The following KIAA0586 variants were observed in gnomAD, a reference collection of about 807,000 sequenced individuals.
The protein encoded by KIAA0586 is protein TALPID3.
KIAA0586 carries 144 observed loss-of-function variants against 169.8 expected under a neutral mutation model. The ratio of observed to expected loss-of-function variants is 0.85; its 90% CI spans 0.74 to 0.97. The LOEUF is 0.97. Among genes scored for constraint, KIAA0586 ranks in the 50% least tolerant of loss-of-function variants. KIAA0586 has a pLI of 0.00. For missense variants in KIAA0586, 1,854 were observed against 1,823.0 expected (o/e 1.02, Z -0.31); for synonymous variants, 625 against 612.4 (o/e 1.02, Z -0.30).
chr14:58,488,796 A>G lies in KIAA0586; in HGVS notation c.3703A>G (p.Thr1235Ala). 1 of 1,613,874 alleles carries G rather than the reference A, an allele frequency of 6.2e-7. No individual in the cohort carries two copies. Among genetic ancestry groups the G allele is most frequent in the Non-Finnish European group, 8.5e-7 (1 of 1,179,824 alleles). The change falls in exon 24 of 31, where the codon ACT (threonine) becomes GCT (alanine). Residue 1235 changes from threonine to alanine, a missense_variant. Transcript: ENST00000652326. The stretch of plus-strand genomic sequence containing the variant: ...GGAGAGCACATTGAGTGTTACTGTC[A>G]CTGAAACTGAAACTTTAGATAAACC... ...TLESTLSVTVTETETLDKPIS... is the reference protein window; with the variant it reads ...TLESTLSVTVAETETLDKPIS...
At chr14:58,443,334 G>A (rs1300144710) in intron 5 of KIAA0586, among the ~76,000 whole-genome samples, 1 of 152,254 alleles carries the variant, frequency 6.6e-6, no homozygotes, top group Non-Finnish European at 1.5e-5. Context: ...TCAGCCTTAT[G>A]TTAGTAAAAT....
At chr14:58,557,428 A>T in the KIAA0586 span, among the ~76,000 whole-genome samples, 1 of 152,246 alleles carries the variant, frequency 6.6e-6, no homozygotes, top group Non-Finnish European at 1.5e-5. Context: ...AGTGCTGCCT[A>T]GAAGTAACAG....
At chr14:58,454,928 T>G (rs537512868) in intron 9 of KIAA0586, among the ~76,000 whole-genome samples, 1 of 152,350 alleles carries the variant, frequency 6.6e-6, no homozygotes, top group Admixed American at 6.5e-5. Flanking sequence ...TGACTGCCTT[T>G]TGGACTCTGT....
Position 58,500,579 on chromosome 14 carries a change from C to T in KIAA0586, c.4168+1619C>T, listed in dbSNP as rs546573362. 1.2e-4 allele frequency among the ~76,000 whole-genome samples: 18 copies of T among 152,168 alleles called. 1 individual carries two copies. The highest frequency in any genetic ancestry group is 4.1e-4 in the African/African-American group (17 of 41,530). On this transcript the variant is annotated intron_variant, in intron 27 of 30. Coordinates refer to ENST00000652326, the MANE Select transcript of KIAA0586 (RefSeq NM_001329943.3). ...AATTAGCCGGGCATAGTGGCAGATG[C>T]CTGTAATCTCAGCTACTTGGGAAGC...
At chr14:58,427,410 C>A (rs2140363579), upstream of KIAA0586, 1 of 569,566 alleles carries the variant, frequency 1.8e-6, no homozygotes, top group Admixed American at 3.1e-5. Flanking sequence ...ACGTCCCTAA[C>A]GGTCTTCGGA....
intron 26 of KIAA0586, among the ~76,000 whole-genome samples, chr14:58,494,313 A>T (rs1431939401): frequency 9.0e-6 from 1 of 111,486 alleles, no homozygotes; most frequent in African/African-American, 3.4e-5. Flanking sequence ...CATACTTGAC[A>T]TTCTTGTTTT....
At chr14:58,466,214 C>T in intron 15 of KIAA0586, among the ~76,000 whole-genome samples, 185 bp downstream of exon 15, 1 of 152,174 alleles carries the variant, frequency 6.6e-6, no homozygotes, top group Non-Finnish European at 1.5e-5. Context: ...CCGTGCCCAG[C>T]CATTGAATTT....
In KIAA0586 at chr14:58,512,533, G is replaced by A; in HGVS notation, c.4335G>A (p.Lys1445=). ...CTTAAATTATTTAGTACCAACTAAA[G>A]CAAAATCAGGATGTTAAGCAAGTTG... ...AAEDFSQYQL[K]QNQDVKQVEH... The change falls in exon 29 of 31, where the codon AAG becomes AAA. Residue 1445 remains lysine, a synonymous_variant. Transcript: ENST00000652326. 1 of 1,522,368 alleles carries A rather than the reference G, an allele frequency of 6.6e-7. No homozygotes were observed. Among genetic ancestry groups the A allele is most frequent in the South Asian group, 1.3e-5 (1 of 77,346 alleles). 94.3% of individuals were successfully genotyped at this position (1,522,368 alleles called of 1,614,324 possible). A position where few individuals can be genotyped will look rare whatever the true frequency, so the allele number is the denominator to read the frequency against.
chr14:58,484,888 A>ATTTATATATATATATATTTATATATT (rs1566876681), intron 21 of KIAA0586, among the ~76,000 whole-genome samples: 1 of 18,490 alleles, frequency 5.4e-5, no homozygotes, highest in African/African-American at 2.3e-4. Flanking sequence ...TTATATATAT[A>ATTTATATATATATATATTTATATATT]TTTATATATA....
chr14:58,499,297 G>A (rs1334820443), intron 27 of KIAA0586, among the ~76,000 whole-genome samples: 1 of 151,992 alleles, frequency 6.6e-6, no homozygotes, highest in Non-Finnish European at 1.5e-5. Context: ...CTGTCACTCA[G>A]GCTGGAGTGC....
intron 23 of KIAA0586, 122 bp from the exon 24 acceptor site, chr14:58,488,499 A>T: frequency 9.5e-7 from 1 of 1,049,712 alleles, no homozygotes; most frequent in Non-Finnish European, 1.4e-6. Flanking sequence ...TAATTATAGT[A>T]GTGCAGATTT....
chr14:58,465,313 T>C (rs890274279), intron 14 of KIAA0586, among the ~76,000 whole-genome samples: 1 of 152,188 alleles, frequency 6.6e-6, no homozygotes, highest in Non-Finnish European at 1.5e-5. Context: ...TGTAAAGGTG[T>C]AATGAGAAAA....
At chr14:58,491,594 G>A (rs1408574278) in intron 25 of KIAA0586, among the ~76,000 whole-genome samples, 1 of 152,232 alleles carries the variant, frequency 6.6e-6, no homozygotes, top group African/African-American at 2.4e-5. Flanking sequence ...GCATGAGGAA[G>A]CCTATACAGG....
At chr14:58,427,552 C>A (rs2036917568), upstream of KIAA0586, 4 of 1,519,202 alleles carry the variant, frequency 2.6e-6, no homozygotes, top group Non-Finnish European at 3.5e-6. Flanking sequence ...AATAAATAAA[C>A]CCCTGTTATG....
chr14:58,533,479 A>G (rs1282587080), intron 29 of KIAA0586, among the ~76,000 whole-genome samples: 1 of 152,080 alleles, frequency 6.6e-6, no homozygotes, highest in African/African-American at 2.4e-5. Context: ...GTTTGCATCA[A>G]CTCTGGGTGA....
In KIAA0586 at chr14:58,459,886, A is replaced by T. The variant is rs763006404; in HGVS notation, c.1700A>T (p.Gln567Leu). Reference protein sequence around the residue: ...RTDYEQKRFDQKNQRTKKGQN... With the variant: ...RTDYEQKRFDLKNQRTKKGQN... ...GATTATGAACAAAAAAGATTTGATC[A>T]GAAGAATCAGAGAACCAAGAAAGGT... is the stretch of plus-strand genomic sequence containing the variant. The change falls in exon 13 of 31, where the codon CAG (glutamine) becomes CTG (leucine). Residue 567 changes from glutamine (Q) to leucine (L), a missense_variant. Coordinates refer to ENST00000652326, the MANE Select transcript of KIAA0586 (RefSeq NM_001329943.3). 9 of 1,533,344 alleles carry T rather than the reference A, an allele frequency of 5.9e-6. No individual in the cohort carries two copies. The highest frequency in any genetic ancestry group is 7.9e-6 in the Non-Finnish European group (9 of 1,145,666). 95.0% of individuals were successfully genotyped at this position (1,533,344 alleles called of 1,614,324 possible). A position where few individuals can be genotyped will look rare whatever the true frequency, so the allele number is the denominator to read the frequency against.
rs2042118590 is a variant in KIAA0586 at position 58,482,677 on chromosome 14, T to C, written c.3109T>C (p.Ser1037Pro). Residue 1037 changes from serine (S) to proline (P), a missense_variant, in exon 21 of 31, where the codon TCT becomes CCT. Ser to Pro is a moderately conservative substitution (Grantham distance 74, BLOSUM62 -1). Transcript: ENST00000652326. The stretch of plus-strand genomic sequence containing the variant: ...GCAAGGTCCTGTTGCTACAGGTGTT[T>C]CTGGGGATGCTTCAACAAATGAAAC... ...KKQGPVATGVSGDASTNETYL... is the reference protein window; with the variant it reads ...KKQGPVATGVPGDASTNETYL... 1 of 1,580,484 alleles carries C rather than the reference T, an allele frequency of 6.3e-7. No homozygotes were observed.
intron 28 of KIAA0586, among the ~76,000 whole-genome samples, chr14:58,509,462 T>C (rs930481370): frequency 3.3e-5 from 5 of 152,118 alleles, no homozygotes; most frequent in African/African-American, 1.2e-4. Context: ...AAAAAATAGG[T>C]TAATTACTCA....
intron 28 of KIAA0586, among the ~76,000 whole-genome samples, chr14:58,509,651 A>G (rs2044245010): frequency 1.3e-5 from 2 of 152,206 alleles, no homozygotes; most frequent in Non-Finnish European, 1.5e-5. Flanking sequence ...TATGGAACAC[A>G]TGATTATGTG....
Sources: allele counts gnomAD v4.1 joint callset (sites outside exome capture counted in the v4.1 genomes callset), GRCh38; gene constraint gnomAD v4.1.1; transcripts MANE v1.5; gene names NCBI Gene and HGNC (gene_info 2026-07-23, HGNC 2026-07-21).